Variants in CCDC77 observed in about 807,000 individuals in gnomAD.
The protein encoded by CCDC77 is coiled-coil domain-containing protein 77.
CCDC77 carries 56 observed loss-of-function variants against 66.8 expected under a neutral mutation model. That is an observed-to-expected ratio of 0.84 (90% CI 0.68 to 1.05). CCDC77 has a LOEUF of 1.05. CCDC77 is among the 50% of genes least tolerant of loss of function. The probability of loss-of-function intolerance (pLI) is 0.00; values close to 1 mark genes in which losing one functional copy is unlikely to be tolerated. For missense variants in CCDC77, 570 were observed against 576.8 expected, an observed-to-expected ratio of 0.99 and a Z score of 0.12; for synonymous variants, 196 against 195.2, an observed-to-expected ratio of 1.00 and a Z score of -0.03.
intron 2 of CCDC77, among the ~76,000 whole-genome samples, 157 bp from the exon 3 acceptor site, chr12:409,210 CA>C (rs58177258): frequency 0.16 from 13,585 of 82,794 alleles, 1,099 homozygotes; most frequent in East Asian, 0.48. Flanking sequence ...GACACTGTCT[CA>C]AAAAAAAAAA....
At chr12:439,969 G>A (rs1474564760) in intron 10 of CCDC77, among the ~76,000 whole-genome samples, 1 of 152,146 alleles carries the variant, frequency 6.6e-6, no homozygotes, top group South Asian at 2.1e-4. Context: ...TACAGACCTT[G>A]AGGAAGAACA....
chr12:398,263 C>A (rs919780430), upstream of CCDC77, among the ~76,000 whole-genome samples: 9 of 152,174 alleles, frequency 5.9e-5, no homozygotes, highest in Non-Finnish European at 1.3e-4. Context: ...ACTGCTTTAT[C>A]GACTAAGTTT....
intron 1 of CCDC77, among the ~76,000 whole-genome samples, chr12:403,148 G>A (rs1944927621): frequency 6.6e-6 from 1 of 152,328 alleles, no homozygotes; most frequent in South Asian, 2.1e-4. Context: ...CTTACTGTAT[G>A]CCATGTAGTG....
At chr12:404,151 T>C (rs1462197795) in intron 1 of CCDC77, among the ~76,000 whole-genome samples, 2 of 152,018 alleles carry the variant, frequency 1.3e-5, no homozygotes, top group Non-Finnish European at 2.9e-5. Context: ...ACCCTGTCTT[T>C]ACTAAAAATA....
At chr12:391,033 A>G (rs529106930) in intron 1 of CCDC77, among the ~76,000 whole-genome samples, 3 of 152,386 alleles carry the variant, frequency 2.0e-5, no homozygotes, top group Admixed American at 6.5e-5. Context: ...AAAGCAAGTC[A>G]TAAGACCATC....
chr12:389,399 T>A, exon 1 of CCDC77: 1 of 539,300 alleles, frequency 1.9e-6, no homozygotes, highest in Non-Finnish European at 3.4e-6. Flanking sequence ...TCCTTCTTCT[T>A]CTCTTCCCCG....
intron 1 of CCDC77, among the ~76,000 whole-genome samples, chr12:391,517 A>G (rs1388586453): frequency 6.6e-6 from 1 of 152,212 alleles, no homozygotes; most frequent in East Asian, 1.9e-4. Flanking sequence ...GGAAAACTAT[A>G]TTATTCGGAA....
chr12:427,852 C>T (rs971553453), intron 5 of CCDC77, among the ~76,000 whole-genome samples: 3 of 152,164 alleles, frequency 2.0e-5, no homozygotes, highest in Non-Finnish European at 2.9e-5. Context: ...GGGAAACAGA[C>T]TGTACAGTGG....
intron 5 of CCDC77, among the ~76,000 whole-genome samples, chr12:422,235 T>G (rs867621295): frequency 1.3e-4 from 19 of 143,344 alleles, no homozygotes; most frequent in Non-Finnish European, 2.3e-4. Flanking sequence ...ATTACAGTGC[T>G]CTTCTGTGTG....
At chr12:392,625 A>C (rs1265053328) in intron 1 of CCDC77, among the ~76,000 whole-genome samples, 1 of 152,054 alleles carries the variant, frequency 6.6e-6, no homozygotes. Context: ...GGCACCTGTA[A>C]TCCCAGCTAC....
upstream of CCDC77, among the ~76,000 whole-genome samples, chr12:396,696 A>G (rs1944833006): frequency 6.6e-6 from 1 of 152,176 alleles, no homozygotes; most frequent in South Asian, 2.1e-4. Flanking sequence ...TTGAGTGAAG[A>G]TGCACTGAAA....
intron 2 of CCDC77, among the ~76,000 whole-genome samples, chr12:407,806 G>A (rs1171879036): frequency 4.2e-4 from 5 of 11,922 alleles, no homozygotes; most frequent in African/African-American, 1.7e-3. Context: ...TTTTTTTTTT[G>A]AGACGGAGTC....
Position 433,192 on chromosome 12 carries a change from C to G in CCDC77, c.691C>G (p.Gln231Glu). 2 of 1,613,818 alleles carry G rather than the reference C, an allele frequency of 1.2e-6. No individual in the cohort carries two copies. The highest frequency in any genetic ancestry group is 1.7e-6 in the Non-Finnish European group (2 of 1,179,864). Residue 231 changes from glutamine to glutamate, a missense_variant, in exon 9 of 13, where the codon CAG becomes GAG. By Grantham distance (29) the Gln-to-Glu change is conservative (BLOSUM62 2). Transcript: ENST00000239830. ...LILQVEALQAQLGEQTKLSRE... is the reference protein window; with the variant it reads ...LILQVEALQAELGEQTKLSRE... The stretch of plus-strand genomic sequence containing the variant: ...TGTCTAGGTGGAAGCACTGCAGGCT[C>G]AGCTGGGAGAGCAGACCAAACTTTC...
At chr12:422,553 G>A (rs1945423477) in intron 5 of CCDC77, among the ~76,000 whole-genome samples, 3 of 152,222 alleles carry the variant, frequency 2.0e-5, no homozygotes, top group South Asian at 2.1e-4. Flanking sequence ...TTCACTCAGC[G>A]TAATGTCTTC....
In CCDC77 at chr12:391,319, G is replaced by C. The variant is rs1003959417; in HGVS notation, c.-113+1833G>C. Reference sequence around the variant, plus strand: ...ATGTACAACAATTAGCCCAGGCGTGGTGGCAGGCGCCTGTAATCCCAGCTA... The same window carrying C: ...ATGTACAACAATTAGCCCAGGCGTGCTGGCAGGCGCCTGTAATCCCAGCTA... On this transcript the variant is annotated intron_variant, in intron 1 of 11. Coordinates refer to the CCDC77 transcript ENST00000422000. Among the ~76,000 whole-genome samples the C allele has an allele frequency of 1.6e-4, 25 of 152,212 alleles. 1 individual carries two copies. The highest frequency in any genetic ancestry group is 5.8e-4 in the African/African-American group (24 of 41,544).
intron 12 of CCDC77, 42 bp downstream of exon 12, chr12:441,038 G>GT: frequency 6.3e-7 from 1 of 1,593,818 alleles, no homozygotes; most frequent in South Asian, 1.1e-5. Context: ...GAGAAGAGGT[G>GT]TAAGTGAGGG....
At chr12:408,381 A>T (rs1945039457) in intron 2 of CCDC77, among the ~76,000 whole-genome samples, 1 of 151,718 alleles carries the variant, frequency 6.6e-6, no homozygotes, top group Non-Finnish European at 1.5e-5. Context: ...GGAGATTATG[A>T]AGAGCCTTTT....
At chr12:406,203 A>G (rs965259726) in intron 2 of CCDC77, among the ~76,000 whole-genome samples, 7 of 151,452 alleles carry the variant, frequency 4.6e-5, no homozygotes, top group Non-Finnish European at 1.0e-4. Flanking sequence ...AGCCACTTCA[A>G]CTAGCCAAGG....
Position 431,929 on chromosome 12 carries a change from G to A in CCDC77, c.647G>A (p.Arg216Lys). The A allele has an allele frequency of 1.2e-6, 2 of 1,611,550 alleles. No homozygotes were observed. The highest frequency in any genetic ancestry group is 3.4e-5 in the Admixed American group (2 of 59,690). ...AAAGAAAGTTCTGAGCATTACCAAA[G>A]AGACATACAGACACTCATCCTACAG... ...ERKESSEHYQ[R>K]DIQTLILQVE... The change falls in exon 8 of 13, where the codon AGA becomes AAA. Residue 216 changes from arginine to lysine, a missense_variant. Arg to Lys is a conservative substitution (Grantham distance 26). Transcript: ENST00000239830.
Sources: allele counts gnomAD v4.1 joint callset (sites outside exome capture counted in the v4.1 genomes callset), GRCh38; gene constraint gnomAD v4.1.1; transcripts MANE v1.5; gene names NCBI Gene and HGNC (gene_info 2026-07-23, HGNC 2026-07-21).